The following TNRC6B variants were observed in gnomAD, a reference collection of about 807,000 sequenced individuals.
TNRC6B encodes trinucleotide repeat containing adaptor 6B, also known as trinucleotide repeat-containing gene 6B protein.
In TNRC6B, 52 loss-of-function variants were observed where a neutral mutation model predicts 203.6. That is an observed-to-expected ratio of 0.26 (90% CI 0.20 to 0.32). The LOEUF (loss-of-function observed/expected upper bound fraction) is 0.32, where lower values mean the gene tolerates loss of function less well. Ranked by LOEUF, TNRC6B falls within the 10% of genes least tolerant of loss-of-function variation. TNRC6B has a pLI of 1.00. For missense variants in TNRC6B, 1,923 were observed against 2,286.2 expected, an observed-to-expected ratio of 0.84 and a Z score of 3.24; for synonymous variants, 838 against 845.7, an observed-to-expected ratio of 0.99 and a Z score of 0.16.
At chr22:40,218,774 A>G (rs960718843) in intron 1 of TNRC6B, among the ~76,000 whole-genome samples, 7 of 152,242 alleles carry the variant, frequency 4.6e-5, no homozygotes, top group Non-Finnish European at 1.0e-4. Flanking sequence ...GTGACAGATT[A>G]CAGTTGGATT....
At chr22:40,179,999 C>T (rs2069111623) in intron 1 of TNRC6B, among the ~76,000 whole-genome samples, 1 of 152,112 alleles carries the variant, frequency 6.6e-6, no homozygotes, top group African/African-American at 2.4e-5. Context: ...TTTAGATTCA[C>T]TGTAAATTTT....
rs1569073382 is a variant in TNRC6B at position 40,327,340 on chromosome 22, A to G, written c.*4099A>G. 3 of 152,702 alleles carry G rather than the reference A, an allele frequency of 2.0e-5. No individual in the cohort carries two copies. Among genetic ancestry groups the G allele is most frequent in the Admixed American group, 6.5e-5 (1 of 15,290 alleles). 9.5% of individuals were successfully genotyped at this position (152,702 alleles called of 1,614,324 possible). A position where few individuals can be genotyped will look rare whatever the true frequency, so the allele number is the denominator to read the frequency against. On this transcript the variant is annotated 3_prime_UTR_variant, in exon 23 of 23. Coordinates refer to ENST00000454349, the MANE Select transcript of TNRC6B (RefSeq NM_001162501.2). The stretch of plus-strand genomic sequence containing the variant: ...AGGCAGTGGGCTGAATTTAAAATAA[A>G]TAAACAAACGTCAAGCAAGTTAATA...
intron 4 of TNRC6B, among the ~76,000 whole-genome samples, chr22:40,162,971 A>G (rs2068883224): frequency 1.3e-5 from 2 of 152,238 alleles, no homozygotes; most frequent in South Asian, 4.1e-4. Context: ...TTCAGTTGCT[A>G]ATAAATTTTG....
Position 40,281,143 on chromosome 22 carries a change from G to T in TNRC6B, c.3436G>T (p.Asp1146Tyr), listed in dbSNP as rs987485277. The T allele has an allele frequency of 6.4e-7, 1 of 1,550,586 alleles. No individual in the cohort carries two copies. Among genetic ancestry groups the T allele is most frequent in the Non-Finnish European group, 8.7e-7 (1 of 1,146,488 alleles). The change falls in exon 11 of 23, where the codon GAT becomes TAT. Residue 1146 changes from aspartate to tyrosine, a missense_variant. Physicochemically the swap from Asp to Tyr is radical, Grantham distance 160 (BLOSUM62 -3). Transcript: ENST00000454349. Reference protein sequence around the residue: ...EKLTLPFSNQDGCLGDEAPCS... With the variant: ...EKLTLPFSNQYGCLGDEAPCS... ...GCTGACTTTGCCTTTCTCCAATCAA[G>T]ATGGGTGCCTTGGGGATGAGGCTCC...
At chr22:40,267,870 C>CA (rs34619639) in intron 5 of TNRC6B, among the ~76,000 whole-genome samples, 29,918 of 146,096 alleles carry the variant, frequency 0.2, 3,505 homozygotes, top group Admixed American at 0.34. Flanking sequence ...ACCCTGTTGC[C>CA]AAAAAAAAAA....
chr22:40,082,757 A>G (rs1023395322), intron 1 of TNRC6B, among the ~76,000 whole-genome samples: 1 of 152,240 alleles, frequency 6.6e-6, no homozygotes, highest in African/African-American at 2.4e-5. Context: ...TTTTGGAGGC[A>G]GACTCTGTGG....
chr22:40,269,187 G>A (rs1473984698), intron 5 of TNRC6B, among the ~76,000 whole-genome samples: 1 of 120,110 alleles, frequency 8.3e-6, no homozygotes, highest in Non-Finnish European at 1.6e-5. Context: ...AGGCTGGAGT[G>A]CAGTGGCGCA....
intron 1 of TNRC6B, among the ~76,000 whole-genome samples, chr22:40,197,101 A>G (rs1313239804): frequency 2.0e-5 from 3 of 152,072 alleles, no homozygotes; most frequent in Non-Finnish European, 4.4e-5. Flanking sequence ...GATTGGTTGA[A>G]TCCCTGTATT....
chr22:40,258,539 T>G (rs781704669), intron 3 of TNRC6B, among the ~76,000 whole-genome samples: 1 of 152,208 alleles, frequency 6.6e-6, no homozygotes, highest in Non-Finnish European at 1.5e-5. Flanking sequence ...AAACACAGTT[T>G]GCTATGACTA....
intron 10 of TNRC6B, 64 bp from the exon 11 acceptor site, chr22:40,281,055 C>A: frequency 7.5e-7 from 1 of 1,340,740 alleles, no homozygotes; most frequent in Non-Finnish European, 1.0e-6. Flanking sequence ...CTTTTCCCTT[C>A]TTGCATTCTG....
chr22:40,218,254 A>G (rs1430832168), intron 1 of TNRC6B, among the ~76,000 whole-genome samples: 2 of 151,820 alleles, frequency 1.3e-5, no homozygotes, highest in Non-Finnish European at 2.9e-5. Flanking sequence ...GGCATTCTGA[A>G]CAGGAAAAGG....
intron 1 of TNRC6B, among the ~76,000 whole-genome samples, chr22:40,116,457 A>G (rs2068389034): frequency 6.6e-6 from 1 of 152,244 alleles, no homozygotes; most frequent in Non-Finnish European, 1.5e-5. Context: ...AATAAATAAA[A>G]TATTTACTGC....
chr22:40,294,109 C>T (rs1569057857), intron 12 of TNRC6B, among the ~76,000 whole-genome samples: 1 of 150,038 alleles, frequency 6.7e-6, no homozygotes, highest in Non-Finnish European at 1.5e-5. Context: ...AAAAATTAGC[C>T]AGGCATGGTG....
At chr22:40,143,677 T>G (rs980546463) in intron 3 of TNRC6B, among the ~76,000 whole-genome samples, 1 of 152,110 alleles carries the variant, frequency 6.6e-6, no homozygotes, top group Non-Finnish European at 1.5e-5. Flanking sequence ...TTTGTATTTT[T>G]AGTAGAGACA....
At chr22:40,088,770 A>G (rs978142180) in intron 1 of TNRC6B, among the ~76,000 whole-genome samples, 18 of 151,966 alleles carry the variant, frequency 1.2e-4, no homozygotes, top group African/African-American at 4.4e-4. Context: ...ATATTTTTTT[A>G]ATGGAAGAAT....
intron 1 of TNRC6B, among the ~76,000 whole-genome samples, chr22:40,184,361 A>G (rs1051590858): frequency 1.3e-5 from 2 of 152,166 alleles, no homozygotes; most frequent in Non-Finnish European, 1.5e-5. Context: ...ACGGGGCACT[A>G]GTGGACATTG....
intron 1 of TNRC6B, among the ~76,000 whole-genome samples, chr22:40,221,145 A>G (rs1346150766): frequency 6.6e-6 from 1 of 152,102 alleles, no homozygotes; most frequent in African/African-American, 2.4e-5. Flanking sequence ...AGTCCAGGCC[A>G]TGTGTGGAAG....
At chr22:40,234,788 C>G (rs945923840) in intron 1 of TNRC6B, among the ~76,000 whole-genome samples, 2 of 152,056 alleles carry the variant, frequency 1.3e-5, no homozygotes, top group African/African-American at 4.8e-5. Context: ...TTTTTATGCC[C>G]TAGTGCTATT....
At chr22:40,173,864 C>T (rs1427142927), upstream of TNRC6B, among the ~76,000 whole-genome samples, 1 of 120,452 alleles carries the variant, frequency 8.3e-6, no homozygotes, top group East Asian at 2.7e-4. Context: ...GGTGCAGTGG[C>T]ATGATCTTAG....
Sources: gnomAD v4.1 joint callset for allele counts (sites outside exome capture counted in the v4.1 genomes callset) on GRCh38, gnomAD v4.1.1 for gene constraint, MANE v1.5 for transcripts, NCBI Gene and HGNC (gene_info 2026-07-23, HGNC 2026-07-21) for gene names.